The following MARCHF1 variants were observed in gnomAD, a reference collection of about 807,000 sequenced individuals.
The protein encoded by MARCHF1 is membrane associated ring-CH-type finger 1, also known as E3 ubiquitin-protein ligase MARCHF1.
MARCHF1 carries 40 observed loss-of-function variants against 54.2 expected under a neutral mutation model. The observed-to-expected ratio is 0.74, with a 90% confidence interval of 0.57 to 0.96. The LOEUF is 0.96. MARCHF1 is among the 40% of genes least tolerant of loss of function. The probability of loss-of-function intolerance (pLI) is 0.00; values close to 1 mark genes in which losing one functional copy is unlikely to be tolerated. For missense variants in MARCHF1, 586 were observed against 656.5 expected, an observed-to-expected ratio of 0.89 and a Z score of 1.17; for synonymous variants, 236 against 236.3, an observed-to-expected ratio of 1.00 and a Z score of 0.01.
intron 5 of MARCHF1, among the ~76,000 whole-genome samples, chr4:163,649,731 A>G (rs1286522787): frequency 6.6e-6 from 1 of 151,272 alleles, no homozygotes; most frequent in Non-Finnish European, 1.5e-5. Flanking sequence ...CTTCCATGAT[A>G]CCCTGTGGAG....
chr4:164,107,719 A>G (rs114421579), intron 2 of MARCHF1, among the ~76,000 whole-genome samples: 2,011 of 152,280 alleles, frequency 0.013, 46 homozygotes, highest in African/African-American at 0.046. Context: ...TTACTCACTT[A>G]AAAATTCACT....
chr4:163,889,642 C>T (rs1750610860), intron 3 of MARCHF1, among the ~76,000 whole-genome samples: 1 of 152,074 alleles, frequency 6.6e-6, no homozygotes, highest in Non-Finnish European at 1.5e-5. Context: ...ATTGCCTGAA[C>T]ATCTCCTGCT....
chr4:164,016,569 A>G (rs773718315), intron 2 of MARCHF1, among the ~76,000 whole-genome samples: 65 of 152,306 alleles, frequency 4.3e-4, no homozygotes, highest in Non-Finnish European at 6.9e-4. Context: ...AGAAAGACAA[A>G]TATCACACGT....
At chr4:163,945,852 A>G (rs1579412916) in intron 3 of MARCHF1, among the ~76,000 whole-genome samples, 1 of 152,122 alleles carries the variant, frequency 6.6e-6, no homozygotes, top group South Asian at 2.1e-4. Context: ...TGGAGTGTCT[A>G]AGGATGGTTC....
chr4:163,881,675 CAGAAA>C (rs66967085), intron 3 of MARCHF1, among the ~76,000 whole-genome samples: 28,457 of 134,350 alleles, frequency 0.21, 3,679 homozygotes, highest in South Asian at 0.32. Context: ...GATCAGGCTA[CAGAAA>C]AGAAAAGAAA....
chr4:163,827,927 A>G (rs1748898062), intron 4 of MARCHF1, among the ~76,000 whole-genome samples: 1 of 151,966 alleles, frequency 6.6e-6, no homozygotes, highest in African/African-American at 2.4e-5. Context: ...AAATGTGCCC[A>G]TAGACTGCAT....
chr4:163,951,761 G>A (rs1159136769), intron 3 of MARCHF1, among the ~76,000 whole-genome samples: 3 of 152,156 alleles, frequency 2.0e-5, no homozygotes, highest in African/African-American at 7.2e-5. Flanking sequence ...TAGATCAGCT[G>A]AAAGTATACT....
At chr4:164,119,114 C>T (rs1385972706) in intron 1 of MARCHF1, among the ~76,000 whole-genome samples, 1 of 151,496 alleles carries the variant, frequency 6.6e-6, no homozygotes, top group East Asian at 1.9e-4. Context: ...ACACATTAGA[C>T]CCTAAAAAAC....
intron 2 of MARCHF1, among the ~76,000 whole-genome samples, chr4:164,016,990 A>G (rs1031855926): frequency 6.6e-6 from 1 of 152,116 alleles, no homozygotes; most frequent in Non-Finnish European, 1.5e-5. Flanking sequence ...TCATGAACCT[A>G]AAGTCCAAAA....
intron 1 of MARCHF1, among the ~76,000 whole-genome samples, chr4:164,340,435 AGT>A (rs1729888851): frequency 1.5e-5 from 2 of 136,354 alleles, no homozygotes; most frequent in Admixed American, 7.6e-5. Context: ...ATATATATAT[AGT>A]TTGTTTGTTT....
At chr4:164,090,591 T>TA (rs1755277623) in intron 2 of MARCHF1, among the ~76,000 whole-genome samples, 1 of 152,002 alleles carries the variant, frequency 6.6e-6, no homozygotes, top group Admixed American at 6.6e-5. Flanking sequence ...ATAAACATAT[T>TA]AAAAATGCAA....
At chr4:163,907,747 G>A (rs1476214462) in intron 3 of MARCHF1, among the ~76,000 whole-genome samples, 3 of 152,018 alleles carry the variant, frequency 2.0e-5, no homozygotes, top group African/African-American at 4.8e-5. Flanking sequence ...CTCCTATCTA[G>A]ACACTAAATC....
chr4:163,908,346 GAGAT>G (rs1246289631), intron 3 of MARCHF1, among the ~76,000 whole-genome samples: 1 of 152,068 alleles, frequency 6.6e-6, no homozygotes, highest in Non-Finnish European at 1.5e-5. Context: ...GACACCATCA[GAGAT>G]AGAAAGAGAG....
rs192476904 is a variant in MARCHF1, at chr4:164,305,729, C to T, written c.-323+78141G>A. Among the ~76,000 whole-genome samples, 176 of 152,138 alleles carry T rather than the reference C, an allele frequency of 1.2e-3. No homozygotes were observed. The Middle Eastern group carries it at 0.014, about 12-fold the overall frequency. On this transcript the variant is annotated intron_variant, in intron 1 of 9. Coordinates refer to ENST00000514618, the MANE Select transcript of MARCHF1 (RefSeq NM_001394959.1). The stretch of plus-strand genomic sequence containing the variant: ...GCAGCTAGAATTTTATAGTAACACA[C>T]AGTATTTTCAAAAAGCTAGAAGAGA...
chr4:164,020,410 C>T (rs2110965762), intron 2 of MARCHF1, among the ~76,000 whole-genome samples: 1 of 152,196 alleles, frequency 6.6e-6, no homozygotes, highest in East Asian at 1.9e-4. Flanking sequence ...GAAATATATC[C>T]AAATCAAGTT....
At chr4:164,092,890 T>G (rs1052016664) in intron 2 of MARCHF1, among the ~76,000 whole-genome samples, 3 of 152,132 alleles carry the variant, frequency 2.0e-5, no homozygotes, top group Non-Finnish European at 2.9e-5. Context: ...AAAGCTTCTC[T>G]TATTCCACAT....
At chr4:164,015,864 A>G (rs944246203) in intron 2 of MARCHF1, among the ~76,000 whole-genome samples, 2 of 151,984 alleles carry the variant, frequency 1.3e-5, no homozygotes, top group Non-Finnish European at 2.9e-5. Flanking sequence ...TAAGTTACCA[A>G]CATACAGCAA....
At chr4:163,738,828 A>G (rs912048125) in intron 4 of MARCHF1, among the ~76,000 whole-genome samples, 5 of 152,182 alleles carry the variant, frequency 3.3e-5, no homozygotes, top group Non-Finnish European at 7.4e-5. Context: ...CATATTTTAA[A>G]CTACAAACTA....
chr4:163,702,244 A>G (rs1432462637), intron 4 of MARCHF1, among the ~76,000 whole-genome samples: 1 of 152,180 alleles, frequency 6.6e-6, no homozygotes, highest in Non-Finnish European at 1.5e-5. Context: ...AGATTAATGT[A>G]TATGCTACCA....
Sources: allele counts gnomAD v4.1 joint callset (sites outside exome capture counted in the v4.1 genomes callset), GRCh38; gene constraint gnomAD v4.1.1; transcripts MANE v1.5; gene names NCBI Gene and HGNC (gene_info 2026-07-23, HGNC 2026-07-21).